The following GRK3 variants were observed in gnomAD, a reference collection of about 807,000 sequenced individuals.
GRK3 encodes adrenergic, beta, receptor kinase 2.
A neutral mutation model predicts 95.7 loss-of-function variants in GRK3; 54 were observed. That is an observed-to-expected ratio of 0.56 (90% confidence interval 0.45 to 0.71). The LOEUF is 0.71. GRK3 is among the 30% of genes least tolerant of loss of function. GRK3 has a pLI of 0.00. For missense variants in GRK3, 649 were observed against 851.2 expected (o/e 0.76, Z 2.96); for synonymous variants, 281 against 290.8 (o/e 0.97, Z 0.34).
At chr22:25,691,669 T>C (rs536321531) in intron 12 of GRK3, among the ~76,000 whole-genome samples, 5 of 152,360 alleles carry the variant, frequency 3.3e-5, no homozygotes, top group Admixed American at 3.3e-4. Flanking sequence ...GGTATGCTAA[T>C]TTTTTCAGTT....
chr22:25,651,727 A>G lies in GRK3; in HGVS notation c.264+7062A>G, dbSNP rs2084832414. On this transcript the variant is annotated intron_variant, in intron 3 of 20. Transcript: ENST00000324198. ...TCATTAGGTTTTAACTGAATGGAGC[A>G]GTTCCTTATATAATAACAATTGTAT... Among the ~76,000 whole-genome samples the G allele has an allele frequency of 2.6e-5, 4 of 152,374 alleles. No individual in the cohort carries two copies. In the South Asian group the frequency reaches 8.3e-4, roughly 32 times the overall value.
intron 18 of GRK3, among the ~76,000 whole-genome samples, chr22:25,716,392 G>A (rs891013120): frequency 2.0e-5 from 3 of 152,106 alleles, no homozygotes; most frequent in Non-Finnish European, 4.4e-5. Flanking sequence ...TGCTCAAGGG[G>A]GGGTCATGGT....
At chr22:25,713,057 G>A (rs1226759320) in intron 17 of GRK3, among the ~76,000 whole-genome samples, 2 of 152,184 alleles carry the variant, frequency 1.3e-5, no homozygotes, top group Admixed American at 6.5e-5. Flanking sequence ...TTTCAGCAAG[G>A]TGGGCTCAGT....
intron 1 of GRK3, among the ~76,000 whole-genome samples, chr22:25,595,087 A>C (rs1191381623): frequency 3.9e-5 from 6 of 152,216 alleles, no homozygotes; most frequent in Admixed American, 3.9e-4. Context: ...AAAAGCTGGA[A>C]GCATTCCCCT....
intron 8 of GRK3, among the ~76,000 whole-genome samples, chr22:25,676,519 G>C (rs2085030984): frequency 6.6e-6 from 1 of 151,952 alleles, no homozygotes; most frequent in Non-Finnish European, 1.5e-5. Flanking sequence ...GTGAAACCCT[G>C]TCACTACTAA....
chr22:25,681,127 G>A (rs2085070660), intron 9 of GRK3, among the ~76,000 whole-genome samples: 1 of 152,124 alleles, frequency 6.6e-6, no homozygotes. Context: ...AATTCATCCA[G>A]TCAGTCATTT....
At chr22:25,570,724 C>A (rs182719978) in intron 1 of GRK3, among the ~76,000 whole-genome samples, 1 of 152,172 alleles carries the variant, frequency 6.6e-6, no homozygotes, top group South Asian at 2.1e-4. Context: ...TCCCGGCCCC[C>A]CTCTGCTTCT....
intron 2 of GRK3, among the ~76,000 whole-genome samples, chr22:25,626,774 G>A (rs911890497): frequency 3.3e-5 from 5 of 152,206 alleles, no homozygotes; most frequent in Non-Finnish European, 7.3e-5. Flanking sequence ...ATAGCACCAG[G>A]CTGCAGGTTT....
At position 25,564,739 on chromosome 22, in the gene GRK3, T is replaced by C. The variant is rs964868213; in HGVS notation, c.-302T>C. 10 of 150,680 alleles carry C rather than the reference T, an allele frequency of 6.6e-5. No homozygotes were observed. The highest frequency in any genetic ancestry group is 2.4e-4 in the African/African-American group (10 of 41,038). The allele number at this position is 150,680 out of a possible 1,614,324, so 9.3% of individuals were successfully genotyped here. A position where few individuals can be genotyped will look rare whatever the true frequency, so the allele number is the denominator to read the frequency against. On this transcript the variant is annotated 5_prime_UTR_variant, in exon 1 of 21. Transcript: ENST00000324198. The stretch of plus-strand genomic sequence containing the variant: ...CTGTGCACTGAGGGGCGCTGACCGT[T>C]GGACGCGCGCTCCCCGCAGACCCTC...
chr22:25,607,266 T>C (rs1037778002), intron 2 of GRK3, among the ~76,000 whole-genome samples: 1 of 152,208 alleles, frequency 6.6e-6, no homozygotes, highest in Non-Finnish European at 1.5e-5. Flanking sequence ...ACAGCCGCAG[T>C]ACCTTTATCC....
rs755536380 is a variant in GRK3 at position 25,565,034 on chromosome 22, C to G, written c.-7C>G. On this transcript the variant is annotated 5_prime_UTR_variant, in exon 1 of 21. Coordinates refer to ENST00000324198, the MANE Select transcript of GRK3 (RefSeq NM_005160.4). ...AACCGCCGCCGCCGCCGCCAAAGCT[C>G]GCCAACATGGCGGACCTGGAGGCTG... is the stretch of plus-strand genomic sequence containing the variant. 7.6e-6 allele frequency: 11 copies of G among 1,444,494 alleles called. No homozygotes were observed. The East Asian group carries it at 3.2e-4, about 41-fold the overall frequency. 89.5% of individuals were successfully genotyped at this position (1,444,494 alleles called of 1,614,324 possible). A position where few individuals can be genotyped will look rare whatever the true frequency, so the allele number is the denominator to read the frequency against.
intron 17 of GRK3, among the ~76,000 whole-genome samples, chr22:25,713,177 C>A (rs1053270165): frequency 2.4e-4 from 36 of 152,140 alleles, no homozygotes; most frequent in Non-Finnish European, 2.9e-5. Flanking sequence ...TGACTCTTTG[C>A]CAGACCGTTC....
At chr22:25,579,507 C>T (rs1932025166) in intron 1 of GRK3, among the ~76,000 whole-genome samples, 1 of 151,544 alleles carries the variant, frequency 6.6e-6, no homozygotes, top group South Asian at 2.1e-4. Context: ...GTGTCTCACT[C>T]TGTCCCCCAG....
At chr22:25,604,708 A>G (rs776100232) in intron 2 of GRK3, among the ~76,000 whole-genome samples, 2 of 152,228 alleles carry the variant, frequency 1.3e-5, no homozygotes, top group Non-Finnish European at 2.9e-5. Context: ...ATGTAAGAGA[A>G]TAGGATATTC....
At chr22:25,661,171 G>A (rs1431378757) in intron 3 of GRK3, among the ~76,000 whole-genome samples, 1 of 152,204 alleles carries the variant, frequency 6.6e-6, no homozygotes, top group Non-Finnish European at 1.5e-5. Context: ...GAACACTGCA[G>A]TTGAGTGAGA....
Position 25,703,531 on chromosome 22 carries a change from T to C in GRK3, c.1182T>C (p.His394=), listed in dbSNP as rs55885892. 1,274 of 1,613,290 alleles carry C rather than the reference T, an allele frequency of 7.9e-4. 13 individuals are homozygous for C. The African/African-American group carries it at 0.014, about 17-fold the overall frequency. ...ACAGTCACAGCCCTTTCAGACAACATAAAACCAAAGACAAGCATGAAATTG... is the reference window on the plus strand; with the variant it reads ...ACAGTCACAGCCCTTTCAGACAACACAAAACCAAAGACAAGCATGAAATTG... ...LLRGHSPFRQ[H]KTKDKHEIDR... Residue 394 remains histidine, a synonymous_variant, in exon 14 of 21, where the codon CAT becomes CAC. Coordinates refer to ENST00000324198, the MANE Select transcript of GRK3 (RefSeq NM_005160.4).
intron 7 of GRK3, among the ~76,000 whole-genome samples, chr22:25,672,787 AT>A (rs2084993495): frequency 6.6e-6 from 1 of 151,920 alleles, no homozygotes; most frequent in African/African-American, 2.4e-5. Context: ...CTTTTTTATC[AT>A]TTTGAGAGTG....
intron 18 of GRK3, among the ~76,000 whole-genome samples, chr22:25,716,581 AC>A (rs1221409411): frequency 6.6e-6 from 1 of 152,158 alleles, no homozygotes; most frequent in Non-Finnish European, 1.5e-5. Flanking sequence ...CTCAGAGGTC[AC>A]CTTTATAGAA....
At chr22:25,711,254 G>A (rs2085341908) in intron 17 of GRK3, 91 bp downstream of exon 17, 1 of 754,176 alleles carries the variant, frequency 1.3e-6, no homozygotes, top group South Asian at 2.0e-5. Flanking sequence ...TTAATATTGG[G>A]CTGTTTATAG....
Sources: gnomAD v4.1 joint callset for allele counts (sites outside exome capture counted in the v4.1 genomes callset) on GRCh38, gnomAD v4.1.1 for gene constraint, MANE v1.5 for transcripts, NCBI Gene and HGNC (gene_info 2026-07-23, HGNC 2026-07-21) for gene names.